Variants in DYNC1I1 observed in about 807,000 individuals in gnomAD.
The protein encoded by DYNC1I1 is cytoplasmic dynein 1 intermediate chain 1.
In DYNC1I1, 43 loss-of-function variants were observed where a neutral mutation model predicts 86.6. The observed-to-expected ratio is 0.50, with a 90% confidence interval of 0.39 to 0.64. The LOEUF is 0.64. Among genes scored for constraint, DYNC1I1 ranks in the 30% least tolerant of loss-of-function variants. The pLI, the probability that DYNC1I1 is intolerant of heterozygous loss-of-function variation, is 0.00. For synonymous variants in DYNC1I1, 262 were observed against 283.7 expected, an observed-to-expected ratio of 0.92 and a Z score of 0.77; for missense variants, 604 against 788.8, an observed-to-expected ratio of 0.77 and a Z score of 2.81.
chr7:96,089,022 G>A (rs2116306099), intron 16 of DYNC1I1, among the ~76,000 whole-genome samples: 1 of 151,968 alleles, frequency 6.6e-6, no homozygotes, highest in South Asian at 2.1e-4. Context: ...TCAACCAATA[G>A]TTTCTCAATT....
intron 11 of DYNC1I1, 112 bp downstream of exon 11, chr7:96,028,433 TTTA>T: frequency 5.1e-6 from 7 of 1,365,536 alleles, no homozygotes; most frequent in Non-Finnish European, 6.8e-6. Context: ...GAGGATCTAC[TTTA>T]TTATGATTGA....
chr7:96,014,413 C>T (rs543409477), intron 10 of DYNC1I1, among the ~76,000 whole-genome samples: 8 of 152,192 alleles, frequency 5.3e-5, no homozygotes, highest in Non-Finnish European at 8.8e-5. Flanking sequence ...AACCCAGTGC[C>T]TTTCACTAAC....
At chr7:96,075,318 CA>C (rs1212660269) in intron 14 of DYNC1I1, among the ~76,000 whole-genome samples, 2 of 139,466 alleles carry the variant, frequency 1.4e-5, no homozygotes, top group African/African-American at 5.7e-5. Flanking sequence ...ACCCAAAAGT[CA>C]ATTTTGGGGG....
chr7:96,034,755 G>A (rs1794892620), intron 12 of DYNC1I1, among the ~76,000 whole-genome samples: 1 of 152,262 alleles, frequency 6.6e-6, no homozygotes, highest in Admixed American at 6.5e-5. Context: ...CTGTTAGCTT[G>A]CACTTTCAAT....
intron 6 of DYNC1I1, among the ~76,000 whole-genome samples, chr7:95,957,588 C>T (rs1301452223): frequency 6.6e-6 from 1 of 152,152 alleles, no homozygotes; most frequent in African/African-American, 2.4e-5. Context: ...GGAGGAATTT[C>T]TGGCCCTATA....
chr7:96,069,223 C>G (rs1790090119), intron 14 of DYNC1I1, among the ~76,000 whole-genome samples: 5 of 152,172 alleles, frequency 3.3e-5, no homozygotes, highest in Admixed American at 2.6e-4. Flanking sequence ...CATGAAACCA[C>G]TCAGCCATGG....
intron 10 of DYNC1I1, among the ~76,000 whole-genome samples, chr7:96,011,179 G>A (rs1453913230): frequency 6.6e-6 from 1 of 152,108 alleles, no homozygotes; most frequent in Non-Finnish European, 1.5e-5. Context: ...TTGCCACCAA[G>A]GGGTGACATT....
chr7:95,776,086 G>C (rs1047738391), intron 1 of DYNC1I1, among the ~76,000 whole-genome samples: 2 of 152,130 alleles, frequency 1.3e-5, no homozygotes, highest in African/African-American at 4.8e-5. Context: ...CAGGCTACTC[G>C]GGAGGCTGAG....
At chr7:95,916,411 C>T (rs1401443109) in intron 6 of DYNC1I1, among the ~76,000 whole-genome samples, 9 of 151,934 alleles carry the variant, frequency 5.9e-5, no homozygotes, top group Non-Finnish European at 1.3e-4. Context: ...AAATATCACT[C>T]CATGTTTATT....
At chr7:96,035,888 A>T in intron 13 of DYNC1I1, 136 bp downstream of exon 13, 8 of 1,393,208 alleles carry the variant, frequency 5.7e-6, no homozygotes, top group Non-Finnish European at 7.9e-6. Context: ...ACTCTTCATT[A>T]TCTTAAAGAG....
chr7:95,778,282 A>G (rs1250056472), intron 1 of DYNC1I1, among the ~76,000 whole-genome samples: 1 of 152,236 alleles, frequency 6.6e-6, no homozygotes, highest in Non-Finnish European at 1.5e-5. Flanking sequence ...AGTTTTAGGA[A>G]AACATACAGG....
intron 4 of DYNC1I1, among the ~76,000 whole-genome samples, chr7:95,822,049 T>C (rs1183715484): frequency 6.6e-6 from 1 of 152,200 alleles, no homozygotes; most frequent in Non-Finnish European, 1.5e-5. Flanking sequence ...AACCACCAAC[T>C]TGTTGTTGGT....
chr7:95,813,384 A>G, intron 4 of DYNC1I1, 47 bp downstream of exon 4: 1 of 1,569,596 alleles, frequency 6.4e-7, no homozygotes, highest in Non-Finnish European at 8.6e-7. Flanking sequence ...CAATTAAAAA[A>G]AAAAAAAAAC....
At chr7:95,990,457 C>T (rs368138041) in intron 9 of DYNC1I1, among the ~76,000 whole-genome samples, 1 of 152,150 alleles carries the variant, frequency 6.6e-6, no homozygotes, top group Admixed American at 6.5e-5. Context: ...TGCCAATCCA[C>T]GAACATGGAT....
chr7:95,839,827 G>A (rs1584268514), intron 5 of DYNC1I1, among the ~76,000 whole-genome samples: 1 of 151,588 alleles, frequency 6.6e-6, no homozygotes, highest in East Asian at 1.9e-4. Flanking sequence ...TGAAGGACAG[G>A]TTTGCCTGGT....
At chr7:95,780,206 C>T (rs113922563) in intron 1 of DYNC1I1, among the ~76,000 whole-genome samples, 214 of 152,058 alleles carry the variant, frequency 1.4e-3, no homozygotes, top group African/African-American at 4.9e-3. Context: ...TTCATTCATT[C>T]TAATGAATAA....
chr7:95,789,519 T>C (rs189786619), intron 1 of DYNC1I1, among the ~76,000 whole-genome samples: 2 of 152,326 alleles, frequency 1.3e-5, no homozygotes, highest in Non-Finnish European at 2.9e-5. Flanking sequence ...GTCTGGTAGA[T>C]TTAAACAAAT....
At chr7:95,908,776 G>A (rs575723719) in intron 6 of DYNC1I1, among the ~76,000 whole-genome samples, 43 of 152,198 alleles carry the variant, frequency 2.8e-4, no homozygotes, top group African/African-American at 9.6e-4. Context: ...CAGAGTGCTC[G>A]GCAGGGCATC....
intron 9 of DYNC1I1, 53 bp downstream of exon 9, chr7:95,987,208 T>C: frequency 1.3e-6 from 2 of 1,484,304 alleles, no homozygotes; most frequent in Non-Finnish European, 1.9e-6. Flanking sequence ...TCGTGGCATT[T>C]GTATAAAAAA....
Sources: allele counts gnomAD v4.1 joint callset (sites outside exome capture counted in the v4.1 genomes callset), GRCh38; gene constraint gnomAD v4.1.1; transcripts MANE v1.5; gene names NCBI Gene and HGNC (gene_info 2026-07-23, HGNC 2026-07-21).